PEPD: variants seen among roughly 807,000 people sequenced by gnomAD.
PEPD encodes the protein xaa-Pro dipeptidase.
Under a neutral mutation model 60.7 loss-of-function variants are expected in PEPD, and 53 were observed. That is an observed-to-expected ratio of 0.87 (90% confidence interval 0.70 to 1.10). The LOEUF (loss-of-function observed/expected upper bound fraction) is 1.10. Ranked by LOEUF, PEPD falls within the 50% of genes least tolerant of loss-of-function variation. The probability of loss-of-function intolerance (pLI) is 0.00; values close to 1 mark genes in which losing one functional copy is unlikely to be tolerated. For missense variants in PEPD, 711 were observed against 711.9 expected (o/e 1.00, Z 0.01); for synonymous variants, 267 against 284.1 (o/e 0.94, Z 0.60).
At chr19:33,475,078 C>T (rs1385839160) in intron 7 of PEPD, among the ~76,000 whole-genome samples, 1 of 151,870 alleles carries the variant, frequency 6.6e-6, no homozygotes, top group Non-Finnish European at 1.5e-5. Flanking sequence ...CTGGGTGAAT[C>T]TTCACATCCG....
chr19:33,451,774 C>G (rs1370978414), intron 9 of PEPD, among the ~76,000 whole-genome samples: 13 of 152,136 alleles, frequency 8.5e-5, no homozygotes, highest in Admixed American at 2.0e-4. Context: ...AAGTCAGATT[C>G]AAGACATAGA....
chr19:33,498,952 G>A (rs1486161538), intron 4 of PEPD, among the ~76,000 whole-genome samples: 1 of 152,188 alleles, frequency 6.6e-6, no homozygotes, highest in Non-Finnish European at 1.5e-5. Flanking sequence ...ACATCGAAGA[G>A]ACCTGAAGGG....
At chr19:33,458,950 CT>C (rs1447271126) in intron 9 of PEPD, among the ~76,000 whole-genome samples, 1 of 128,994 alleles carries the variant, frequency 7.8e-6, no homozygotes, top group Non-Finnish European at 1.6e-5. Context: ...CCCATCTGTA[CT>C]CGAGGGGCGC....
intron 8 of PEPD, 150 bp downstream of exon 8, chr19:33,463,837 A>G (rs1421320176): frequency 1.4e-6 from 1 of 703,854 alleles, no homozygotes. Flanking sequence ...CAGGGAACAG[A>G]AAAGAGAACA....
At chr19:33,477,960 A>T in intron 7 of PEPD, 86 bp downstream of exon 7, 1 of 888,336 alleles carries the variant, frequency 1.1e-6, no homozygotes, top group Non-Finnish European at 1.9e-6. Context: ...GGGCTCTCTG[A>T]GACGGTGTGG....
chr19:33,489,898 G>C (rs938764810), intron 6 of PEPD, 98 bp downstream of exon 6: 19 of 747,290 alleles, frequency 2.5e-5, no homozygotes, highest in African/African-American at 1.2e-4. Context: ...AAAGAAGTTT[G>C]CATAGTTCAT....
intron 11 of PEPD, among the ~76,000 whole-genome samples, chr19:33,405,778 C>T (rs1464628386): frequency 1.3e-5 from 2 of 152,264 alleles, no homozygotes; most frequent in Non-Finnish European, 2.9e-5. Flanking sequence ...GGACCTCTCT[C>T]CAGTGCGTTC....
chr19:33,396,711 G>T, intron 12 of PEPD, among the ~76,000 whole-genome samples: 1 of 151,912 alleles, frequency 6.6e-6, no homozygotes, highest in Non-Finnish European at 1.5e-5. Context: ...AGGGAGGGTG[G>T]GGGGGTGAGG....
rs377276978 is a variant in PEPD, at chr19:33,434,858, C to G, written c.672-21215G>C. 6.6e-5 allele frequency among the ~76,000 whole-genome samples: 10 copies of G among 151,878 alleles called. No homozygotes were observed. The East Asian group carries it at 1.6e-3, about 24-fold the overall frequency. ...GGTCCAGCCCTCCTCGGTCCCTGAC[C>G]CTCCCTGTTCTGGGAGTGAAGGACT... On this transcript the variant is annotated intron_variant, in intron 9 of 14. Coordinates refer to ENST00000244137, the MANE Select transcript of PEPD (RefSeq NM_000285.4).
intron 1 of PEPD, among the ~76,000 whole-genome samples, chr19:33,515,064 G>A (rs1397138883): frequency 1.3e-5 from 2 of 152,160 alleles, no homozygotes; most frequent in African/African-American, 2.4e-5. Flanking sequence ...CCGGCCCGCC[G>A]CCTCGGGTGG....
chr19:33,460,390 G>A (rs1274496917), intron 9 of PEPD, among the ~76,000 whole-genome samples: 1 of 152,160 alleles, frequency 6.6e-6, no homozygotes, highest in African/African-American at 2.4e-5. Context: ...CTCCCTGGCT[G>A]CAGATGTCCC....
In PEPD at chr19:33,412,318, G is replaced by C. The variant is rs371558037; in HGVS notation, c.741-569C>G. Among the ~76,000 whole-genome samples the C allele has an allele frequency of 5.2e-4, 79 of 152,306 alleles. No individual in the cohort carries two copies. The South Asian group carries it at 0.016, about 30-fold the overall frequency. On this transcript the variant is annotated intron_variant, in intron 10 of 14. Coordinates refer to ENST00000244137, the MANE Select transcript of PEPD (RefSeq NM_000285.4). ...GCTATGATCATGCCACCGCACTCCA[G>C]CCTGGGCAAAAGAGGGAGACCCTGT... is the stretch of plus-strand genomic sequence containing the variant.
intron 4 of PEPD, among the ~76,000 whole-genome samples, chr19:33,498,607 C>T (rs1313740395): frequency 6.6e-6 from 1 of 152,172 alleles, no homozygotes; most frequent in Non-Finnish European, 1.5e-5. Flanking sequence ...GAGACAGGGT[C>T]CTGGAGGCAG....
intron 11 of PEPD, among the ~76,000 whole-genome samples, chr19:33,403,479 C>G (rs1968549455): frequency 6.6e-6 from 1 of 152,198 alleles, no homozygotes; most frequent in Non-Finnish European, 1.5e-5. Flanking sequence ...GTCACGAGGG[C>G]CTCTCACCCA....
chr19:33,445,610 A>C (rs1490862465), intron 9 of PEPD, among the ~76,000 whole-genome samples: 1 of 152,212 alleles, frequency 6.6e-6, no homozygotes, highest in Non-Finnish European at 1.5e-5. Flanking sequence ...CGATGCCTTG[A>C]TCTTGGACTT....
chr19:33,467,390 G>C (rs565641945), intron 7 of PEPD, among the ~76,000 whole-genome samples: 1 of 151,494 alleles, frequency 6.6e-6, no homozygotes, highest in East Asian at 1.9e-4. Context: ...CCCCCAAACA[G>C]GTAAGATTTA....
At chr19:33,422,797 T>TCC (rs1969052420) in intron 9 of PEPD, among the ~76,000 whole-genome samples, 1 of 144,972 alleles carries the variant, frequency 6.9e-6, no homozygotes, top group Non-Finnish European at 1.5e-5. Context: ...TCCCTCTATC[T>TCC]ATCCATCCAT....
chr19:33,434,836 C>T (rs147688646), intron 9 of PEPD, among the ~76,000 whole-genome samples: 1,981 of 151,934 alleles, frequency 0.013, 27 homozygotes, highest in South Asian at 0.07. Context: ...CACATACGGT[C>T]CAGCCCTCCT....
intron 9 of PEPD, among the ~76,000 whole-genome samples, chr19:33,423,249 T>C (rs1969071173): frequency 1.3e-5 from 2 of 152,336 alleles, no homozygotes; most frequent in Admixed American, 1.3e-4. Flanking sequence ...CTCTGTTGAG[T>C]GACTGAATAA....
Sources: allele counts gnomAD v4.1 joint callset (sites outside exome capture counted in the v4.1 genomes callset), GRCh38; gene constraint gnomAD v4.1.1; transcripts MANE v1.5; gene names NCBI Gene and HGNC (gene_info 2026-07-23, HGNC 2026-07-21).